SLX4IP: variants seen among roughly 807,000 people sequenced by gnomAD.
SLX4IP encodes SLX4 interacting protein, also known as protein SLX4IP.
SLX4IP carries 34 observed loss-of-function variants against 32.9 expected under a neutral mutation model. The observed-to-expected ratio is 1.03, with a 90% confidence interval of 0.79 to 1.38. The LOEUF is 1.38. SLX4IP is among the 40% of genes most tolerant of loss of function. The pLI, the probability that SLX4IP is intolerant of heterozygous loss-of-function variation, is 0.00. For missense variants in SLX4IP, 444 were observed against 479.0 expected, an observed-to-expected ratio of 0.93 and a Z score of 0.68; for synonymous variants, 172 against 171.7, an observed-to-expected ratio of 1.00 and a Z score of -0.01.
intron 2 of SLX4IP, among the ~76,000 whole-genome samples, chr20:10,467,472 A>G (rs926748814): frequency 2.6e-5 from 4 of 152,236 alleles, no homozygotes; most frequent in Admixed American, 2.0e-4. Flanking sequence ...GTACCTCTAT[A>G]TTTCTTCTCC....
intron 4 of SLX4IP, among the ~76,000 whole-genome samples, chr20:10,581,448 G>A (rs1002651193): frequency 1.3e-5 from 2 of 152,074 alleles, no homozygotes; most frequent in East Asian, 3.9e-4. Context: ...GAGACAGAAC[G>A]TGCCTGAGTT....
chr20:10,455,430 T>C (rs2065276783), intron 1 of SLX4IP, among the ~76,000 whole-genome samples: 1 of 152,140 alleles, frequency 6.6e-6, no homozygotes, highest in Non-Finnish European at 1.5e-5. Context: ...AACTTTATTA[T>C]TTGGCATATG....
chr20:10,599,777 G>T (rs2066820198), intron 5 of SLX4IP, among the ~76,000 whole-genome samples: 1 of 152,092 alleles, frequency 6.6e-6, no homozygotes, highest in African/African-American at 2.4e-5. Context: ...TTGCACTTGT[G>T]CCCTTTATGG....
intron 2 of SLX4IP, among the ~76,000 whole-genome samples, chr20:10,512,736 T>TA (rs2065818402): frequency 8.5e-6 from 1 of 117,574 alleles, no homozygotes; most frequent in Admixed American, 9.6e-5. Context: ...AGTATATGTA[T>TA]TGTGTATATA....
intron 1 of SLX4IP, among the ~76,000 whole-genome samples, chr20:10,457,789 C>T (rs2065299127): frequency 6.7e-6 from 1 of 150,232 alleles, no homozygotes; most frequent in East Asian, 1.9e-4. Context: ...TTATTCTGTA[C>T]ACATTTGATA....
At chr20:10,480,870 TCTTA>T (rs920558724) in intron 2 of SLX4IP, among the ~76,000 whole-genome samples, 1 of 152,226 alleles carries the variant, frequency 6.6e-6, no homozygotes, top group Non-Finnish European at 1.5e-5. Flanking sequence ...TAGTCTTGGC[TCTTA>T]CTTTCTTTCT....
chr20:10,600,330 A>G (rs922731173), intron 5 of SLX4IP, among the ~76,000 whole-genome samples: 14 of 152,224 alleles, frequency 9.2e-5, no homozygotes. Context: ...GAGTGAGACC[A>G]GAACAACAGG....
At chr20:10,436,677 G>T (rs553051876) in intron 1 of SLX4IP, among the ~76,000 whole-genome samples, 1 of 152,212 alleles carries the variant, frequency 6.6e-6, no homozygotes, top group Non-Finnish European at 1.5e-5. Flanking sequence ...TGTTCAACCC[G>T]TGCTTCTTAA....
chr20:10,602,504 G>A (rs781561715), intron 6 of SLX4IP, among the ~76,000 whole-genome samples: 6 of 152,156 alleles, frequency 3.9e-5, no homozygotes, highest in East Asian at 3.8e-4. Context: ...CTTGTTGCAC[G>A]TGTGTGTGTT....
chr20:10,534,333 A>C (rs1223190669), intron 2 of SLX4IP, among the ~76,000 whole-genome samples: 1 of 152,210 alleles, frequency 6.6e-6, no homozygotes, highest in Admixed American at 6.5e-5. Flanking sequence ...ATTGGTAAGC[A>C]TTAGGGTGTC....
At chr20:10,491,506 C>T (rs1332528674) in intron 2 of SLX4IP, among the ~76,000 whole-genome samples, 1 of 152,176 alleles carries the variant, frequency 6.6e-6, no homozygotes, top group African/African-American at 2.4e-5. Flanking sequence ...GCTGTCTGCA[C>T]AACTAGAGAA....
chr20:10,547,692 A>G (rs1201549086), intron 2 of SLX4IP, among the ~76,000 whole-genome samples: 1 of 152,190 alleles, frequency 6.6e-6, no homozygotes, highest in Non-Finnish European at 1.5e-5. Context: ...CATTAGCTTG[A>G]TTCTGCAGTG....
chr20:10,456,150 G>A (rs906225515), intron 1 of SLX4IP, among the ~76,000 whole-genome samples: 1 of 152,076 alleles, frequency 6.6e-6, no homozygotes, highest in Non-Finnish European at 1.5e-5. Flanking sequence ...TGAAACATAA[G>A]TGAATTTTGT....
At chr20:10,468,033 C>T (rs1399295017) in intron 2 of SLX4IP, among the ~76,000 whole-genome samples, 1 of 152,126 alleles carries the variant, frequency 6.6e-6, no homozygotes, top group Non-Finnish European at 1.5e-5. Flanking sequence ...TCTCAACTTT[C>T]CACCTGCCTC....
chr20:10,558,341 CAAA>C (rs36028561), intron 3 of SLX4IP, among the ~76,000 whole-genome samples: 9 of 79,506 alleles, frequency 1.1e-4, no homozygotes, highest in South Asian at 4.7e-4. Context: ...GACCCTGTCT[CAAA>C]AAAAAAAAAA....
At chr20:10,462,006 A>G (rs559412435) in intron 2 of SLX4IP, among the ~76,000 whole-genome samples, 1 of 152,300 alleles carries the variant, frequency 6.6e-6, no homozygotes, top group South Asian at 2.1e-4. Flanking sequence ...AAGGTATTAC[A>G]TATAACCACA....
chr20:10,524,323 G>C (rs933910520), intron 2 of SLX4IP, among the ~76,000 whole-genome samples: 2 of 152,236 alleles, frequency 1.3e-5, no homozygotes, highest in Non-Finnish European at 2.9e-5. Context: ...CTCAGGCTCT[G>C]TTTTTGTTCC....
intron 1 of SLX4IP, among the ~76,000 whole-genome samples, chr20:10,449,709 C>T (rs1302734433): frequency 1.3e-5 from 2 of 152,118 alleles, no homozygotes; most frequent in African/African-American, 4.8e-5. Context: ...GAAAAAGTTA[C>T]ATAACTTGAG....
At chr20:10,614,346 GCCTTC>G (rs998662591) in intron 6 of SLX4IP, 12 of 573,326 alleles carry the variant, frequency 2.1e-5, no homozygotes, top group East Asian at 1.4e-4. Context: ...TCCCTTTATT[GCCTTC>G]ACATGACGTT....
Sources: gnomAD v4.1 joint callset for allele counts (sites outside exome capture counted in the v4.1 genomes callset) on GRCh38, gnomAD v4.1.1 for gene constraint, MANE v1.5 for transcripts, NCBI Gene and HGNC (gene_info 2026-07-23, HGNC 2026-07-21) for gene names.